The following KIAA0586 variants were observed in gnomAD, a reference collection of about 807,000 sequenced individuals.
KIAA0586 encodes KIAA0586, also known as protein TALPID3.
Under a neutral mutation model 169.8 loss-of-function variants are expected in KIAA0586, and 144 were observed. The observed-to-expected ratio is 0.85, with a 90% CI of 0.74 to 0.97. The LOEUF (loss-of-function observed/expected upper bound fraction) is 0.97, where lower values mean the gene tolerates loss of function less well. Ranked by LOEUF, KIAA0586 falls within the 50% of genes least tolerant of loss-of-function variation. The pLI, the probability that KIAA0586 is intolerant of heterozygous loss-of-function variation, is 0.00. For missense variants in KIAA0586, 1,854 were observed against 1,823.0 expected, an observed-to-expected ratio of 1.02 and a Z score of -0.31; for synonymous variants, 625 against 612.4, an observed-to-expected ratio of 1.02 and a Z score of -0.30.
chr14:58,429,671 G>A (rs1163505972), intron 2 of KIAA0586, among the ~76,000 whole-genome samples: 1 of 151,816 alleles, frequency 6.6e-6, no homozygotes, highest in Non-Finnish European at 1.5e-5. Flanking sequence ...GAAAGAGATA[G>A]GATAACTGAA....
At chr14:58,546,011 G>A (rs926853655) in intron 30 of KIAA0586, among the ~76,000 whole-genome samples, 2 of 152,094 alleles carry the variant, frequency 1.3e-5, no homozygotes, top group Admixed American at 1.3e-4. Flanking sequence ...TCCAGCCTAG[G>A]TGACAGAGCA....
At chr14:58,516,675 G>C (rs548102770) in intron 29 of KIAA0586, among the ~76,000 whole-genome samples, 1 of 152,218 alleles carries the variant, frequency 6.6e-6, no homozygotes, top group Non-Finnish European at 1.5e-5. Flanking sequence ...AAAATGCAGA[G>C]GACCTAGAAT....
chr14:58,549,052 G>A lies in KIAA0586; in HGVS notation c.*1120G>A, dbSNP rs1740933983. On this transcript the variant is annotated 3_prime_UTR_variant, in exon 31 of 31. Transcript: ENST00000652326. ...TGGTGTTGTTCTTATTATCTTGAGG[G>A]ATTTCAGTACTGTATAGTAGAGGGC... The A allele has an allele frequency of 6.6e-6, 1 of 152,026 alleles. No individual in the cohort carries two copies. Among genetic ancestry groups the A allele is most frequent in the South Asian group, 2.1e-4 (1 of 4,806 alleles). The allele number at this position is 152,026 out of a possible 1,614,324, so 9.4% of individuals were successfully genotyped here.
At chr14:58,502,094 C>T (rs904748681) in intron 27 of KIAA0586, among the ~76,000 whole-genome samples, 1 of 152,100 alleles carries the variant, frequency 6.6e-6, no homozygotes, top group Non-Finnish European at 1.5e-5. Flanking sequence ...AGACATCTCC[C>T]AAGAGAAAGT....
At chr14:58,556,767 C>T in the KIAA0586 span, among the ~76,000 whole-genome samples, 15 of 152,034 alleles carry the variant, frequency 9.9e-5, no homozygotes, top group African/African-American at 2.7e-4. Flanking sequence ...GTTTTTGAGA[C>T]GGAGTTTGGC....
Position 58,487,967 on chromosome 14 carries a change from T to C in KIAA0586, c.3385T>C (p.Phe1129Leu). The change falls in exon 23 of 31, where the codon TTT becomes CTT. Residue 1129 changes from phenylalanine (F) to leucine (L), a missense_variant. By Grantham distance (22) the Phe-to-Leu change is conservative. Transcript: ENST00000652326. Reference protein sequence around the residue: ...TTTPPPAAAVFTPTLSDISID... With the variant: ...TTTPPPAAAVLTPTLSDISID... ...TACACCTCCTCCAGCGGCGGCAGTT[T>C]TTACCCCAACTTTGTCAGATATTTC... 2.5e-6 allele frequency: 4 copies of C among 1,613,662 alleles called. No homozygotes were observed. Among genetic ancestry groups the C allele is most frequent in the Non-Finnish European group, 3.4e-6 (4 of 1,179,782 alleles).
chr14:58,488,954 T>C (rs949230993), intron 24 of KIAA0586, 80 bp downstream of exon 24: 3 of 1,401,020 alleles, frequency 2.1e-6, no homozygotes, highest in Middle Eastern at 2.0e-4. Context: ...TTAAAGTGTT[T>C]TTACTTAACT....
At chr14:58,504,537 G>C (rs1289857852) in intron 27 of KIAA0586, among the ~76,000 whole-genome samples, 1 of 152,150 alleles carries the variant, frequency 6.6e-6, no homozygotes, top group Non-Finnish European at 1.5e-5. Flanking sequence ...TGCTGGACTG[G>C]CAATTTTAGG....
At chr14:58,558,822 C>T in the KIAA0586 span, among the ~76,000 whole-genome samples, 1 of 152,150 alleles carries the variant, frequency 6.6e-6, no homozygotes, top group Non-Finnish European at 1.5e-5. Context: ...TTGCAAGGAC[C>T]GGTACAAGTA....
At position 58,444,135 on chromosome 14, in the gene KIAA0586, G is replaced by A. The variant is rs1380278190; in HGVS notation, c.767G>A (p.Arg256Lys). The A allele has an allele frequency of 6.2e-7, 1 of 1,613,430 alleles. No individual in the cohort carries two copies. The highest frequency in any genetic ancestry group is 8.5e-7 in the Non-Finnish European group (1 of 1,179,524). ...AATGTGTTTATGGAGCAGCACATAAGGCATCTTGAAAAGTTACAACAACAA... is the reference window on the plus strand; with the variant it reads ...AATGTGTTTATGGAGCAGCACATAAAGCATCTTGAAAAGTTACAACAACAA... ...QMNVFMEQHI[R>K]HLEKLQQQQI... Residue 256 changes from arginine to lysine, a missense_variant, in exon 6 of 31, where the codon AGG becomes AAG. Coordinates refer to ENST00000652326, the MANE Select transcript of KIAA0586 (RefSeq NM_001329943.3).
At chr14:58,535,662 T>A (rs907265847) in intron 29 of KIAA0586, among the ~76,000 whole-genome samples, 1 of 151,812 alleles carries the variant, frequency 6.6e-6, no homozygotes, top group Non-Finnish European at 1.5e-5. Flanking sequence ...TACTAACTTC[T>A]TTTTATATAT....
chr14:58,547,171 A>AC lies in KIAA0586; in HGVS notation c.4496-610_4496-609insC, dbSNP rs397965872. On this transcript the variant is annotated intron_variant, in intron 30 of 30. Transcript: ENST00000652326. ...TACCTCTTTTAAAAAAAAAAAAAAA[A>AC]GTTCTTGCTCTAACCACAAACCTTT... Among the ~76,000 whole-genome samples the AC allele has an allele frequency of 3.6e-4, 55 of 150,996 alleles. 1 individual carries two copies. Among genetic ancestry groups the AC allele is most frequent in the Admixed American group, 9.2e-4 (14 of 15,174 alleles).
chr14:58,514,819 A>G (rs1595450392), intron 29 of KIAA0586, among the ~76,000 whole-genome samples: 1 of 152,060 alleles, frequency 6.6e-6, no homozygotes, highest in African/African-American at 2.4e-5. Context: ...TAACAGTTTT[A>G]TAGTGAAAGT....
At chr14:58,528,078 A>T (rs567620569) in intron 29 of KIAA0586, among the ~76,000 whole-genome samples, 12 of 152,326 alleles carry the variant, frequency 7.9e-5, no homozygotes, top group African/African-American at 2.9e-4. Context: ...AAAACAGACT[A>T]AACCAACAAA....
intron 28 of KIAA0586, among the ~76,000 whole-genome samples, chr14:58,511,269 A>T (rs2044363062): frequency 6.6e-6 from 1 of 152,218 alleles, no homozygotes; most frequent in Non-Finnish European, 1.5e-5. Flanking sequence ...TTCTTTAGCT[A>T]GCAGGGACTT....
At chr14:58,511,052 T>G (rs2044350302) in intron 28 of KIAA0586, among the ~76,000 whole-genome samples, 1 of 152,138 alleles carries the variant, frequency 6.6e-6, no homozygotes, top group Non-Finnish European at 1.5e-5. Flanking sequence ...TTATCTTGAT[T>G]GTGGTGATGG....
intron 15 of KIAA0586, 73 bp from the exon 16 acceptor site, chr14:58,467,662 A>G (rs2040870139): frequency 9.3e-7 from 1 of 1,077,504 alleles, no homozygotes; most frequent in Non-Finnish European, 1.4e-6. Flanking sequence ...AGCCATTAAG[A>G]TCCAGATGGT....
At chr14:58,430,562 A>C (rs534261657) in intron 2 of KIAA0586, 86 bp from the exon 3 acceptor site, 6 of 751,000 alleles carry the variant, frequency 8.0e-6, no homozygotes, top group Non-Finnish European at 1.4e-5. Context: ...CCCAGAACAC[A>C]GTAGTCACAT....
Position 58,438,158 on chromosome 14 carries a change from A to C in KIAA0586, c.411-4548A>C, listed in dbSNP as rs1450396793. On this transcript the variant is annotated intron_variant, in intron 4 of 30. Transcript: ENST00000652326. ...AAGAATAAAGAAAAACTGGCTAAAA[A>C]AGAAGACTAGAATGAAATAATTGCT... Among the ~76,000 whole-genome samples the C allele has an allele frequency of 3.3e-5, 5 of 152,186 alleles. No homozygotes were observed. The East Asian group carries it at 9.6e-4, about 29-fold the overall frequency.
Sources: gnomAD v4.1 joint callset for allele counts (sites outside exome capture counted in the v4.1 genomes callset) on GRCh38, gnomAD v4.1.1 for gene constraint, MANE v1.5 for transcripts, NCBI Gene and HGNC (gene_info 2026-07-23, HGNC 2026-07-21) for gene names.